DCLRE1C: variants seen among roughly 807,000 people sequenced by gnomAD.
DCLRE1C encodes the protein DNA cross-link repair 1C.
A neutral mutation model predicts 61.4 loss-of-function variants in DCLRE1C; 47 were observed. The observed-to-expected ratio is 0.77, with a 90% CI of 0.61 to 0.98. The LOEUF (loss-of-function observed/expected upper bound fraction) is 0.98, where lower values mean the gene tolerates loss of function less well. Among genes scored for constraint, DCLRE1C ranks in the 50% least tolerant of loss-of-function variants. DCLRE1C has a pLI of 0.00. For missense variants in DCLRE1C, 858 were observed against 816.0 expected (o/e 1.05, Z -0.63); for synonymous variants, 337 against 287.6 (o/e 1.17, Z -1.74).
At chr10:14,912,003 G>C (rs896598914) in intron 13 of DCLRE1C, among the ~76,000 whole-genome samples, 1 of 152,218 alleles carries the variant, frequency 6.6e-6, no homozygotes, top group African/African-American at 2.4e-5. Flanking sequence ...TATTCAGTGT[G>C]GGAATGTTTG....
downstream of DCLRE1C, chr10:14,899,757 T>C (rs1009576660): frequency 1.8e-5 from 27 of 1,523,838 alleles, no homozygotes; most frequent in Non-Finnish European, 2.3e-5. Context: ...AGCTAAAGAA[T>C]AATTCCCTTT....
In DCLRE1C at chr10:14,905,519, C is replaced by A. The variant is rs1001433064; in HGVS notation, c.*2889G>T. Among the ~76,000 whole-genome samples the A allele has an allele frequency of 6.6e-6, 1 of 152,232 alleles. No homozygotes were observed. The highest frequency in any genetic ancestry group is 1.5e-5 in the Non-Finnish European group (1 of 68,044). On this transcript the variant is annotated 3_prime_UTR_variant, in exon 14 of 14. Transcript: ENST00000378278. ...CAAGCTTAGACTGTTAAGATAATGT[C>A]AACATGCCAAGATCACCCAGTGAAC...
chr10:14,901,984 TATAA>T (rs548252811), downstream of DCLRE1C, among the ~76,000 whole-genome samples: 18 of 152,366 alleles, frequency 1.2e-4, 1 homozygote, highest in South Asian at 3.5e-3. Context: ...ATTGTGACAA[TATAA>T]ATGTTTTCTT....
At chr10:14,943,269 G>A (rs1589126645) in intron 3 of DCLRE1C, among the ~76,000 whole-genome samples, 1 of 152,266 alleles carries the variant, frequency 6.6e-6, no homozygotes, top group Middle Eastern at 3.4e-3. Flanking sequence ...CAAGCACTGG[G>A]TGACAGGTTC....
chr10:14,942,707 T>C (rs138699391), intron 3 of DCLRE1C, among the ~76,000 whole-genome samples: 785 of 152,192 alleles, frequency 5.2e-3, no homozygotes, highest in African/African-American at 0.018. Context: ...TGGTTTCCAC[T>C]TTGGTGCGGG....
At chr10:14,936,326 CTTTTTTTTT>C in intron 5 of DCLRE1C, among the ~76,000 whole-genome samples, 1 of 137,240 alleles carries the variant, frequency 7.3e-6, no homozygotes, top group South Asian at 2.3e-4. Context: ...TTCTTTCTTT[CTTTTTTTTT>C]TTTTTTTTAA....
At chr10:14,926,788 C>T (rs1226311410) in intron 11 of DCLRE1C, 55 bp downstream of exon 11, 3 of 1,427,880 alleles carry the variant, frequency 2.1e-6, no homozygotes, top group Non-Finnish European at 3.0e-6. Flanking sequence ...CTGTCAACTA[C>T]CAAGGCTGCA....
intron 1 of DCLRE1C, 36 bp downstream of exon 1, chr10:14,953,866 C>A: frequency 6.2e-7 from 1 of 1,612,326 alleles, no homozygotes; most frequent in Non-Finnish European, 8.5e-7. Flanking sequence ...CAGCCCCCAG[C>A]GCCCCGGGAG....
Position 14,907,181 on chromosome 10 carries a change from T to G in DCLRE1C, c.*1227A>C, listed in dbSNP as rs1834471805. Among the ~76,000 whole-genome samples the G allele has an allele frequency of 6.6e-6, 1 of 151,842 alleles. No individual in the cohort carries two copies. Among genetic ancestry groups the G allele is most frequent in the Non-Finnish European group, 1.5e-5 (1 of 67,974 alleles). ...TAATTCTTGAGCATTTTCTTTTATA[T>G]TCTAATTGTCCGCTTCTAATTTGGC... On this transcript the variant is annotated 3_prime_UTR_variant, in exon 14 of 14. Coordinates refer to ENST00000378278, the MANE Select transcript of DCLRE1C (RefSeq NM_001033855.3).
At chr10:14,938,696 G>T (rs1462937685) in intron 4 of DCLRE1C, among the ~76,000 whole-genome samples, 1 of 152,016 alleles carries the variant, frequency 6.6e-6, no homozygotes, top group East Asian at 1.9e-4. Context: ...TTTCCACTTG[G>T]CAGAGCCCCT....
rs1177530687 is a variant in DCLRE1C, at chr10:14,908,139, C to T, written c.*269G>A. 2.6e-6 allele frequency: 1 copy of T among 387,738 alleles called. No homozygotes were observed. Among genetic ancestry groups the T allele is most frequent in the East Asian group, 6.2e-5 (1 of 16,210 alleles). 24.0% of individuals were successfully genotyped at this position (387,738 alleles called of 1,614,324 possible). ...GGGCTCAAGTGATCCTCAAGGGCCT[C>T]CAGAGTAGCCCACCACCATGCCTGG... On this transcript the variant is annotated 3_prime_UTR_variant, in exon 14 of 14. Coordinates refer to ENST00000378278, the MANE Select transcript of DCLRE1C (RefSeq NM_001033855.3).
At chr10:14,939,047 C>G (rs1435577269) in intron 4 of DCLRE1C, among the ~76,000 whole-genome samples, 1 of 152,148 alleles carries the variant, frequency 6.6e-6, no homozygotes, top group East Asian at 1.9e-4. Context: ...GGCATAGAAG[C>G]CTTGTGAGTG....
intron 9 of DCLRE1C, among the ~76,000 whole-genome samples, chr10:14,930,808 GTATT>G (rs1400916096): frequency 2.0e-5 from 3 of 152,144 alleles, no homozygotes; most frequent in Non-Finnish European, 4.4e-5. Flanking sequence ...ATATATATGT[GTATT>G]TATATGTGCA....
At position 14,939,872 on chromosome 10, in the gene DCLRE1C, A is replaced by G. The variant is rs770768045; in HGVS notation, c.247-3T>C. 2.1e-5 allele frequency: 33 copies of G among 1,588,118 alleles called. No homozygotes were observed. Among genetic ancestry groups the G allele is most frequent in the South Asian group, 1.7e-4 (15 of 88,902 alleles). ...GGAGTCTCGATTTCAATAGATATCT[A>G]TAAAAATAAAATAAGAGACCATGTA... On this transcript the variant is annotated splice_region_variant and splice_polypyrimidine_tract_variant and intron_variant, in intron 3 of 13. Coordinates refer to ENST00000378278, the MANE Select transcript of DCLRE1C (RefSeq NM_001033855.3).
At position 14,909,109 on chromosome 10, in the gene DCLRE1C, C is replaced by A; in HGVS notation, c.1378G>T (p.Glu460Ter). 6.2e-7 allele frequency: 1 copy of A among 1,614,230 alleles called. No homozygotes were observed. Among genetic ancestry groups the A allele is most frequent in the Non-Finnish European group, 8.5e-7 (1 of 1,180,040 alleles). The change falls in exon 14 of 14, where the codon GAA becomes TAA. Residue 460 changes from glutamate (E) to a stop codon, truncating the protein, a stop_gained. Coordinates refer to ENST00000378278, the MANE Select transcript of DCLRE1C (RefSeq NM_001033855.3). LOFTEE classifies it low-confidence loss of function (END_TRUNC). ...GAAGCTGGGATTCCTACTTCTTCTTCACTTTCACTGTTGGATTCTTCACAA... is the reference window on the plus strand; with the variant it reads ...GAAGCTGGGATTCCTACTTCTTCTTAACTTTCACTGTTGGATTCTTCACAA... ...VDCEESNSESEEEVGIPASLQ... is the reference protein window; with the variant it reads ...VDCEESNSES
intron 13 of DCLRE1C, among the ~76,000 whole-genome samples, chr10:14,915,639 TAA>T (rs561053229): frequency 1.4e-5 from 2 of 142,906 alleles, no homozygotes. Flanking sequence ...CATTTGTAGT[TAA>T]AAAAAAAAAA....
intron 12 of DCLRE1C, 112 bp downstream of exon 12, chr10:14,922,869 G>T (rs1397980533): frequency 4.0e-5 from 33 of 818,798 alleles, no homozygotes; most frequent in Non-Finnish European, 6.4e-6. Flanking sequence ...GTTCAGAAAT[G>T]TCCCAAAACA....
intron 9 of DCLRE1C, among the ~76,000 whole-genome samples, chr10:14,930,335 G>A (rs908425841): frequency 1.1e-4 from 14 of 127,204 alleles, no homozygotes; most frequent in Admixed American, 6.2e-4. Flanking sequence ...GTTTCACCAC[G>A]TTACCCAGGC....
chr10:14,925,341 C>G (rs1837797965), intron 11 of DCLRE1C, among the ~76,000 whole-genome samples: 1 of 151,912 alleles, frequency 6.6e-6, no homozygotes, highest in Non-Finnish European at 1.5e-5. Context: ...AAAGGAGCAC[C>G]CCCTCTCATT....
Sources: gnomAD v4.1 joint callset for allele counts (sites outside exome capture counted in the v4.1 genomes callset) on GRCh38, gnomAD v4.1.1 for gene constraint, MANE v1.5 for transcripts, NCBI Gene and HGNC (gene_info 2026-07-23, HGNC 2026-07-21) for gene names.